DRG2: variants seen among roughly 807,000 people sequenced by gnomAD.
The protein encoded by DRG2 is developmentally regulated GTP binding protein 2, also known as developmentally-regulated GTP-binding protein 2.
DRG2 carries 36 observed loss-of-function variants against 53.4 expected under a neutral mutation model. The ratio of observed to expected loss-of-function variants is 0.67; its 90% confidence interval spans 0.52 to 0.89. The LOEUF (loss-of-function observed/expected upper bound fraction) is 0.89. Among genes scored for constraint, DRG2 ranks in the 40% least tolerant of loss-of-function variants. The pLI, the probability that DRG2 is intolerant of heterozygous loss-of-function variation, is 0.00. For synonymous variants in DRG2, 167 were observed against 192.1 expected (o/e 0.87, Z 1.08); for missense variants, 342 against 481.2 (o/e 0.71, Z 2.71).
intron 11 of DRG2, 121 bp downstream of exon 11, chr17:18,104,802 A>G (rs900348753): frequency 1.4e-5 from 22 of 1,522,706 alleles, no homozygotes; most frequent in Non-Finnish European, 1.4e-5. Flanking sequence ...TCAGATGTCA[A>G]CGCAGGCTCT....
chr17:18,094,148 T>G, intron 2 of DRG2, 175 bp downstream of exon 2: 1 of 810,944 alleles, frequency 1.2e-6, no homozygotes, highest in Non-Finnish European at 1.8e-6. Flanking sequence ...GGACGCTCTT[T>G]CCTCTTGCCA....
At chr17:18,104,007 C>A in intron 10 of DRG2, 118 bp downstream of exon 10, 1 of 940,902 alleles carries the variant, frequency 1.1e-6, no homozygotes, top group Non-Finnish European at 1.7e-6. Context: ...TGTCTAGACA[C>A]ACCTCAGCTC....
chr17:18,090,695 C>T (rs1046858758), intron 1 of DRG2, among the ~76,000 whole-genome samples: 10 of 151,584 alleles, frequency 6.6e-5, no homozygotes, highest in African/African-American at 1.9e-4. Flanking sequence ...CCACCCCACC[C>T]GGCCAATTTT....
rs1364902268 is a variant in DRG2, at chr17:18,100,033, A to G, written c.467+310A>G. On this transcript the variant is annotated intron_variant, in intron 5 of 12. Transcript: ENST00000225729. This position sits in a 1 kb window ranked among gnomAD's most constrained non-coding sequence, Gnocchi z 4.1. ...GGAGCCCAGCCCCAGGCACAGAAGC[A>G]TTGTTCATCCACATCCTGGCAGAGG... is the stretch of plus-strand genomic sequence containing the variant. 1.7e-5 allele frequency: 10 copies of G among 577,646 alleles called. No individual in the cohort carries two copies. In the East Asian group the frequency reaches 2.0e-4, roughly 12 times the overall value. The allele number at this position is 577,646 out of a possible 1,614,324, so 35.8% of individuals were successfully genotyped here. A position where few individuals can be genotyped will look rare whatever the true frequency, so the allele number is the denominator to read the frequency against.
At chr17:18,102,676 C>T (rs2045561743) in intron 9 of DRG2, among the ~76,000 whole-genome samples, 1 of 152,048 alleles carries the variant, frequency 6.6e-6, no homozygotes, top group African/African-American at 2.4e-5. Flanking sequence ...CCAAGGTCCC[C>T]CCAAGAAGCC....
At chr17:18,090,401 TATA>T (rs1383724614) in intron 1 of DRG2, among the ~76,000 whole-genome samples, 22 of 17,274 alleles carry the variant, frequency 1.3e-3, no homozygotes, top group African/African-American at 8.4e-3. Flanking sequence ...TATATATATA[TATA>T]TATTTTTTTT....
chr17:18,106,778 CAT>C (rs768474375), intron 12 of DRG2, among the ~76,000 whole-genome samples: 61 of 147,596 alleles, frequency 4.1e-4, no homozygotes, highest in Middle Eastern at 3.6e-3. Context: ...GCAGCCTCGA[CAT>C]CTGTGCAAAA....
rs2045471687 is a variant in DRG2, at chr17:18,098,477, G to A, written c.315+118G>A. ...TGTCCCCATGTCAGGACAGGCTCTG[G>A]ACTGAGCTGCTTTGCCCTCCAGCAC... On this transcript the variant is annotated intron_variant, in intron 3 of 12. Transcript: ENST00000225729. The surrounding 1 kb of genome is among the most constrained non-coding windows in gnomAD (Gnocchi z 4.1). The A allele has an allele frequency of 1.1e-6, 1 of 910,318 alleles. No individual in the cohort carries two copies. 56.4% of individuals were successfully genotyped at this position (910,318 alleles called of 1,614,324 possible).
At chr17:18,101,708 A>G in intron 8 of DRG2, 118 bp downstream of exon 8, 1 of 1,115,534 alleles carries the variant, frequency 9.0e-7, no homozygotes, top group South Asian at 1.5e-5. Flanking sequence ...CCCTCACCTC[A>G]CCTCACCTCA....
intron 8 of DRG2, 119 bp downstream of exon 8, chr17:18,101,709 C>T (rs937369617): frequency 2.7e-6 from 3 of 1,120,472 alleles, no homozygotes; most frequent in African/African-American, 3.1e-5. Flanking sequence ...CCTCACCTCA[C>T]CTCACCTCAG....
In DRG2 at chr17:18,099,801, T is replaced by C. The variant is rs780675974; in HGVS notation, c.467+78T>C. 122 of 1,441,372 alleles carry C rather than the reference T, an allele frequency of 8.5e-5. No homozygotes were observed. The highest frequency in any genetic ancestry group is 1.1e-4 in the Non-Finnish European group (118 of 1,052,506). The allele number at this position is 1,441,372 out of a possible 1,614,324, so 89.3% of individuals were successfully genotyped here. ...GTCCCTGAGCTCGTACTAGGCGGCC[T>C]GTGGGTGTTTGGCTCTCTCACACGT... is the stretch of plus-strand genomic sequence containing the variant. On this transcript the variant is annotated intron_variant, in intron 5 of 12. Transcript: ENST00000225729. This position sits in a 1 kb window ranked among gnomAD's most constrained non-coding sequence, Gnocchi z 4.4.
chr17:18,106,222 G>A, intron 11 of DRG2: 1 of 597,116 alleles, frequency 1.7e-6, no homozygotes, highest in Non-Finnish European at 3.1e-6. Flanking sequence ...CAGATCAGGA[G>A]TGGGAATGGC....
Position 18,100,575 on chromosome 17 carries a change from A to G in DRG2, c.547A>G (p.Lys183Glu). The G allele has an allele frequency of 6.2e-7, 1 of 1,614,196 alleles. No individual in the cohort carries two copies. Among genetic ancestry groups the G allele is most frequent in the Non-Finnish European group, 8.5e-7 (1 of 1,180,028 alleles). The change falls in exon 7 of 13, where the codon AAA becomes GAA. Residue 183 changes from lysine (K) to glutamate (E), a missense_variant. Coordinates refer to ENST00000225729, the MANE Select transcript of DRG2 (RefSeq NM_001388.5). This position sits in a 1 kb window ranked among gnomAD's most constrained non-coding sequence, Gnocchi z 4.1. ...TCCCTTTCTCCTCTTTCAGCCCAAGAAAGGTGGTGGCATCTCCTTTAACTC... is the reference window on the plus strand; with the variant it reads ...TCCCTTTCTCCTCTTTCAGCCCAAGGAAGGTGGTGGCATCTCCTTTAACTC... ...HKPNIYFKPKKGGGISFNSTV... is the reference protein window; with the variant it reads ...HKPNIYFKPKEGGGISFNSTV...
chr17:18,106,950 G>A (rs1404580212), intron 12 of DRG2, among the ~76,000 whole-genome samples: 1 of 152,082 alleles, frequency 6.6e-6, no homozygotes, highest in Admixed American at 6.6e-5. Flanking sequence ...AGAAGTGCTG[G>A]GATTACAGGC....
chr17:18,092,323 C>A (rs964074904), intron 1 of DRG2, among the ~76,000 whole-genome samples: 12 of 152,130 alleles, frequency 7.9e-5, no homozygotes, highest in Non-Finnish European at 1.5e-4. Context: ...TTTAATTAGG[C>A]AGTCCTGGTG....
intron 10 of DRG2, among the ~76,000 whole-genome samples, chr17:18,104,121 C>T (rs1420341518): frequency 2.6e-5 from 4 of 152,196 alleles, no homozygotes; most frequent in African/African-American, 9.7e-5. Context: ...CCCTCCTGAC[C>T]TCCCCTCACA....
At position 18,100,115 on chromosome 17, in the gene DRG2, G is replaced by A. The variant is rs774635375; in HGVS notation, c.468-248G>A. 2.5e-4 allele frequency: 149 copies of A among 590,614 alleles called. 1 individual carries two copies. The highest frequency in any genetic ancestry group is 4.5e-4 in the Middle Eastern group (1 of 2,200). The allele number at this position is 590,614 out of a possible 1,614,324, so 36.6% of individuals were successfully genotyped here. A position where few individuals can be genotyped will look rare whatever the true frequency, so the allele number is the denominator to read the frequency against. On this transcript the variant is annotated intron_variant, in intron 5 of 12. Transcript: ENST00000225729. This position sits in a 1 kb window ranked among gnomAD's most constrained non-coding sequence, Gnocchi z 4.1. ...AGGAGTACCCTCATGTGGTCACCTC[G>A]CGGGGGCTCCACCACTTGCCTGTGC...
At position 18,099,943 on chromosome 17, in the gene DRG2, G is replaced by C; in HGVS notation, c.467+220G>C. ...GGTATCTTGGGACTGGGGGCCGAGG[G>C]GCTTGGCCTGGCCCTGCTTCCTGTT... On this transcript the variant is annotated intron_variant, in intron 5 of 12. Coordinates refer to ENST00000225729, the MANE Select transcript of DRG2 (RefSeq NM_001388.5). The surrounding 1 kb of genome is among the most constrained non-coding windows in gnomAD (Gnocchi z 4.4). 1.6e-6 allele frequency: 1 copy of C among 606,186 alleles called. No homozygotes were observed. Among genetic ancestry groups the C allele is most frequent in the Non-Finnish European group, 2.9e-6 (1 of 343,268 alleles). The allele number at this position is 606,186 out of a possible 1,614,324, so 37.6% of individuals were successfully genotyped here.
intron 9 of DRG2, among the ~76,000 whole-genome samples, chr17:18,102,825 G>A (rs1393486224): frequency 6.6e-6 from 1 of 152,128 alleles, no homozygotes; most frequent in East Asian, 1.9e-4. Context: ...GGGTCCCTGG[G>A]GTACCGCCTG....
Sources: allele counts gnomAD v4.1 joint callset (sites outside exome capture counted in the v4.1 genomes callset), GRCh38; gene constraint gnomAD v4.1.1; non-coding constraint Gnocchi (gnomAD v3.1); transcripts MANE v1.5; gene names NCBI Gene and HGNC (gene_info 2026-07-23, HGNC 2026-07-21).